Variants in TCIRG1 observed in about 807,000 individuals in gnomAD.
TCIRG1 encodes T cell immune regulator 1, ATPase H+ transporting V0 subunit a3, also known as V-type proton ATPase 116 kDa subunit a 3.
A neutral mutation model predicts 95.5 loss-of-function variants in TCIRG1; 86 were observed. The ratio of observed to expected loss-of-function variants is 0.90; its 90% CI spans 0.76 to 1.08. The LOEUF is 1.08. Ranked by LOEUF, TCIRG1 falls within the 50% of genes least tolerant of loss-of-function variation. The pLI is 0.00. For synonymous variants in TCIRG1, 499 were observed against 501.3 expected (o/e 1.00, Z 0.06); for missense variants, 1,069 against 1,140.2 (o/e 0.94, Z 0.90).
At chr11:68,049,559 G>A in intron 15 of TCIRG1, 104 bp from the exon 16 acceptor site, 1 of 1,483,330 alleles carries the variant, frequency 6.7e-7, no homozygotes, top group Non-Finnish European at 9.1e-7. Context: ...GCCCTGGAGG[G>A]AGGAGCGACC....
chr11:68,046,248 T>C (rs1306341519), intron 10 of TCIRG1, among the ~76,000 whole-genome samples: 10 of 152,162 alleles, frequency 6.6e-5, no homozygotes, highest in Admixed American at 6.5e-4. Context: ...GGCTGATGCC[T>C]GTGATCTCAG....
chr11:68,051,079 C>T (rs1014285267), downstream of TCIRG1: 3 of 562,708 alleles, frequency 5.3e-6, no homozygotes, highest in Non-Finnish European at 9.6e-6. Context: ...CACATTCTAA[C>T]TTGGAGTGAG....
In TCIRG1 at chr11:68,045,088, A is replaced by G; in HGVS notation, c.1151A>G (p.Gln384Arg). The change falls in exon 10 of 20, where the codon CAG becomes CGG. Residue 384 changes from glutamine to arginine, a missense_variant. Coordinates refer to ENST00000265686, the MANE Select transcript of TCIRG1 (RefSeq NM_006019.4). ...IVDAYGVGRY[Q>R]EVNPAPYTII... is the part of the protein sequence containing the mutation. ...GATGCCTACGGCGTGGGCCGCTACCAGGAGGTCAACCCCGGTGAGAGCCAC... is the reference window on the plus strand; with the variant it reads ...GATGCCTACGGCGTGGGCCGCTACCGGGAGGTCAACCCCGGTGAGAGCCAC... 7 of 1,602,040 alleles carry G rather than the reference A, an allele frequency of 4.4e-6. No homozygotes were observed. Among genetic ancestry groups the G allele is most frequent in the Non-Finnish European group, 5.9e-6 (7 of 1,179,956 alleles).
intron 3 of TCIRG1, 42 bp downstream of exon 3, chr11:68,041,873 A>G (rs1855187549): frequency 6.5e-7 from 1 of 1,546,526 alleles, no homozygotes; most frequent in Non-Finnish European, 8.8e-7. Flanking sequence ...GGCTTCCTGG[A>G]GGAGGCATGG....
At position 68,042,719 on chromosome 11, in the gene TCIRG1, C is replaced by T; in HGVS notation, c.273C>T (p.Pro91=). The part of the protein sequence containing the change: ...PPKGRLPAPP[P]RDLLRIQEET... ...AGGGGAGGCTGCCGGCACCCCCACC[C>T]CGGGACCTGCTGCGCATCCAGGAGG... is the stretch of plus-strand genomic sequence containing the variant. The change falls in exon 4 of 20, where the codon CCC becomes CCT. Residue 91 remains proline (P), a synonymous_variant. Coordinates refer to ENST00000265686, the MANE Select transcript of TCIRG1 (RefSeq NM_006019.4). 6.5e-7 allele frequency: 1 copy of T among 1,546,598 alleles called. No homozygotes were observed. Among genetic ancestry groups the T allele is most frequent in the Admixed American group, 2.0e-5 (1 of 50,926 alleles).
At position 68,045,332 on chromosome 11, in the gene TCIRG1, G is replaced by A. The variant is rs534847934; in HGVS notation, c.1165+230G>A. On this transcript the variant is annotated intron_variant, in intron 10 of 19. Transcript: ENST00000265686. ...TTGAGTTTACAAGGGAGCCGGCACG[G>A]GCTTGTGCAAAGAACAGAGGCTGTG... 4.6e-5 allele frequency among the ~76,000 whole-genome samples: 7 copies of A among 152,382 alleles called. No homozygotes were observed. In the South Asian group the frequency reaches 1.4e-3, roughly 32 times the overall value.
rs763449053 is a variant in TCIRG1 at position 68,047,401 on chromosome 11, G to A, written c.1166-32G>A. 5 of 1,612,792 alleles carry A rather than the reference G, an allele frequency of 3.1e-6. No individual in the cohort carries two copies. In the East Asian group the frequency reaches 8.9e-5, roughly 29 times the overall value. On this transcript the variant is annotated intron_variant, in intron 10 of 19. Transcript: ENST00000265686. Reference sequence around the variant, plus strand: ...CGGGAGGCAGATGCTGGTGTGTTCGGGGGTTCCCAGCTCACCCACCTCTGC... The same window carrying A: ...CGGGAGGCAGATGCTGGTGTGTTCGAGGGTTCCCAGCTCACCCACCTCTGC...
downstream of TCIRG1, chr11:68,053,757 A>T: frequency 2.1e-6 from 1 of 485,688 alleles, no homozygotes; most frequent in African/African-American, 2.0e-5. Context: ...GCACTATTGC[A>T]CTATATTTCT....
chr11:68,048,772 C>T (rs1220168373), intron 13 of TCIRG1, 107 bp from the exon 14 acceptor site: 19 of 892,802 alleles, frequency 2.1e-5, no homozygotes, highest in Non-Finnish European at 3.4e-5. Flanking sequence ...AGGCTGCAGG[C>T]TCCGAGGGGG....
rs1224704097 is a variant in TCIRG1 at position 68,044,272 on chromosome 11, G to C, written c.948G>C (p.Lys316Asn). 3 of 1,604,958 alleles carry C rather than the reference G, an allele frequency of 1.9e-6. No individual in the cohort carries two copies. Among genetic ancestry groups the C allele is most frequent in the African/African-American group, 2.7e-5 (2 of 74,854 alleles). ...LNQCSVSTTH[K>N]CLIAEAWCSV... is the part of the protein sequence containing the mutation. Reference sequence around the variant, plus strand: ...AGTGCAGCGTGAGCACCACGCACAAGTGCCTCATTGCCGAGGCCTGGTGCT... The same window carrying C: ...AGTGCAGCGTGAGCACCACGCACAACTGCCTCATTGCCGAGGCCTGGTGCT... The change falls in exon 9 of 20, where the codon AAG becomes AAC. Residue 316 changes from lysine to asparagine, a missense_variant. Lys to Asn is a moderately conservative substitution (Grantham distance 94). Transcript: ENST00000265686.
Sources: allele counts gnomAD v4.1 joint callset (sites outside exome capture counted in the v4.1 genomes callset), GRCh38; gene constraint gnomAD v4.1.1; transcripts MANE v1.5; gene names NCBI Gene and HGNC (gene_info 2026-07-23, HGNC 2026-07-21).